Variants in MKRN2 observed in about 807,000 individuals in gnomAD.
The protein encoded by MKRN2 is makorin ring finger protein 2.
In MKRN2, 32 loss-of-function variants were observed where a neutral mutation model predicts 45.4. That is an observed-to-expected ratio of 0.70 (90% CI 0.53 to 0.95). MKRN2 has a LOEUF of 0.95. Ranked by LOEUF, MKRN2 falls within the 40% of genes least tolerant of loss-of-function variation. The pLI is 0.00. For synonymous variants in MKRN2, 206 were observed against 192.4 expected (o/e 1.07, Z -0.59); for missense variants, 526 against 536.7 (o/e 0.98, Z 0.20).
Position 12,567,958 on chromosome 3 carries a change from C to G in MKRN2, c.27-917C>G, listed in dbSNP as rs114377941. Among the ~76,000 whole-genome samples, 1,236 of 152,304 alleles carry G rather than the reference C, an allele frequency of 8.1e-3. 14 individuals carry two copies. Among genetic ancestry groups the G allele is most frequent in the Non-Finnish European group, 0.011 (749 of 68,036 alleles). ...CTCAGTGGAATATTCTGATACAGAACATGTGATACATCTGATATTCTGAAA... is the reference window on the plus strand; with the variant it reads ...CTCAGTGGAATATTCTGATACAGAAGATGTGATACATCTGATATTCTGAAA... On this transcript the variant is annotated intron_variant, in intron 1 of 7. Transcript: ENST00000170447.
chr3:12,568,972 A>G lies in MKRN2; in HGVS notation c.124A>G (p.Lys42Glu). 1 of 1,614,150 alleles carries G rather than the reference A, an allele frequency of 6.2e-7. No individual in the cohort carries two copies. Among genetic ancestry groups the G allele is most frequent in the Non-Finnish European group, 8.5e-7 (1 of 1,180,024 alleles). The change falls in exon 2 of 8, where the codon AAG (lysine) becomes GAG (glutamate). Residue 42 changes from lysine (K) to glutamate (E), a missense_variant. Physicochemically the swap from Lys to Glu is moderately conservative, Grantham distance 56. Coordinates refer to ENST00000170447, the MANE Select transcript of MKRN2 (RefSeq NM_014160.5). Reference protein sequence around the residue: ...KPSTICKYYQKGYCAYGTRCR... With the variant: ...KPSTICKYYQEGYCAYGTRCR... Reference sequence around the variant, plus strand: ...GTCCACCATCTGCAAGTACTACCAGAAGGGCTACTGTGCCTATGGAACTCG... The same window carrying G: ...GTCCACCATCTGCAAGTACTACCAGGAGGGCTACTGTGCCTATGGAACTCG...
chr3:12,558,078 A>C (rs186346406), intron 1 of MKRN2, among the ~76,000 whole-genome samples: 1 of 152,206 alleles, frequency 6.6e-6, no homozygotes, highest in African/African-American at 2.4e-5. Flanking sequence ...TCATTTAATA[A>C]TTTTTATGGG....
At position 12,557,100 on chromosome 3, in the gene MKRN2, C is replaced by G; in HGVS notation, c.-51C>G. ...CGGGCCAGGGCCAAGGCCGAGGCGG[C>G]AGCGGCTGCGAGAGGCGGCGGCACG... On this transcript the variant is annotated 5_prime_UTR_variant, in exon 1 of 8. Transcript: ENST00000170447. 1 of 1,481,824 alleles carries G rather than the reference C, an allele frequency of 6.7e-7. No individual in the cohort carries two copies. The highest frequency in any genetic ancestry group is 8.9e-7 in the Non-Finnish European group (1 of 1,118,108). The allele number at this position is 1,481,824 out of a possible 1,614,324, so 91.8% of individuals were successfully genotyped here.
intron 1 of MKRN2, among the ~76,000 whole-genome samples, chr3:12,564,325 C>T (rs185809423): frequency 6.6e-6 from 1 of 152,278 alleles, no homozygotes; most frequent in East Asian, 1.9e-4. Flanking sequence ...TAAGGAACTT[C>T]CGTACTGTTT....
rs1210731485 is a variant in MKRN2, at chr3:12,582,717, G to T, written c.*464G>T. On this transcript the variant is annotated 3_prime_UTR_variant, in exon 8 of 8. Transcript: ENST00000170447. ...GTATTTAGTGTGTCGTCAAAATTTT[G>T]ATTTATACAGAGCTTTCAAGAACAC... 4.4e-5 allele frequency: 7 copies of T among 157,822 alleles called. No individual in the cohort carries two copies. The highest frequency in any genetic ancestry group is 8.4e-5 in the Non-Finnish European group (6 of 71,048). The allele number at this position is 157,822 out of a possible 1,614,324, so 9.8% of individuals were successfully genotyped here.
chr3:12,572,477 T>A, intron 4 of MKRN2, 104 bp downstream of exon 4: 1 of 1,072,128 alleles, frequency 9.3e-7, no homozygotes, highest in Non-Finnish European at 1.3e-6. Context: ...TGAAATGTAC[T>A]AAGTGACAGA....
At chr3:12,566,845 C>T (rs981425175) in intron 1 of MKRN2, among the ~76,000 whole-genome samples, 2 of 152,184 alleles carry the variant, frequency 1.3e-5, no homozygotes, top group Admixed American at 6.5e-5. Context: ...TCTGGTCATC[C>T]ACCCACCTCA....
intron 1 of MKRN2, 37 bp from the exon 2 acceptor site, chr3:12,568,838 G>A: frequency 6.3e-7 from 1 of 1,595,162 alleles, no homozygotes; most frequent in Non-Finnish European, 8.5e-7. Context: ...AGCAAAATGT[G>A]CTTCTAAAAG....
rs1044706579 is a variant in MKRN2, at chr3:12,582,461, T to C, written c.*208T>C. On this transcript the variant is annotated 3_prime_UTR_variant, in exon 8 of 8. Coordinates refer to ENST00000170447, the MANE Select transcript of MKRN2 (RefSeq NM_014160.5). ...AAGTAACCTAATTAAATGTATGGAA[T>C]TGCTATTTTTATAGCTGATATAGTT... 1.7e-6 allele frequency: 1 copy of C among 596,112 alleles called. No individual in the cohort carries two copies. The highest frequency in any genetic ancestry group is 2.8e-6 in the Non-Finnish European group (1 of 354,678). The allele number at this position is 596,112 out of a possible 1,614,324, so 36.9% of individuals were successfully genotyped here. A position where few individuals can be genotyped will look rare whatever the true frequency, so the allele number is the denominator to read the frequency against.
Position 12,563,361 on chromosome 3 carries a change from T to C in MKRN2, c.27-5514T>C, listed in dbSNP as rs2058050760. Among the ~76,000 whole-genome samples the C allele has an allele frequency of 2.0e-5, 3 of 151,992 alleles. No individual in the cohort carries two copies. The South Asian group carries it at 6.2e-4, about 32-fold the overall frequency. ...GAGAAACAGGTGGAGAAGTCAGAGGTTTCTGATTGGGGCGGATGTGCAGCA... is the reference window on the plus strand; with the variant it reads ...GAGAAACAGGTGGAGAAGTCAGAGGCTTCTGATTGGGGCGGATGTGCAGCA... On this transcript the variant is annotated intron_variant, in intron 1 of 7. Coordinates refer to ENST00000170447, the MANE Select transcript of MKRN2 (RefSeq NM_014160.5).
At position 12,576,937 on chromosome 3, in the gene MKRN2, T is replaced by TTGTTTTTTTTTTTG. The variant is rs1553608771; in HGVS notation, c.968+197_968+198insGTTTTTTTTTTTGT. The TTGTTTTTTTTTTTG allele has an allele frequency of 7.0e-5, 15 of 215,456 alleles. 1 individual carries two copies. Among genetic ancestry groups the TTGTTTTTTTTTTTG allele is most frequent in the African/African-American group, 4.8e-4 (14 of 29,044 alleles). 13.3% of individuals were successfully genotyped at this position (215,456 alleles called of 1,614,324 possible). On this transcript the variant is annotated intron_variant, in intron 6 of 7. Transcript: ENST00000170447. ...GTGGACCTGTTTAGTTTTGGTGTTTTTTTTTTTTTTTTTTTTTTTTCGGTG... is the reference window on the plus strand; with the variant it reads ...GTGGACCTGTTTAGTTTTGGTGTTTTTGTTTTTTTTTTTGTTTTTTTTTTTTTTTTTTTTCGGTG...
chr3:12,572,376 A>G lies in MKRN2; in HGVS notation c.642+3A>G. 1 of 1,551,300 alleles carries G rather than the reference A, an allele frequency of 6.4e-7. No individual in the cohort carries two copies. The highest frequency in any genetic ancestry group is 1.2e-5 in the South Asian group (1 of 82,094). ...AGCAGAGGAAGGCTCATGAAAAGGT[A>G]AAGTCACAAACCTTTGCATGAACTC... On this transcript the variant is annotated splice_donor_region_variant and intron_variant, in intron 4 of 7. Coordinates refer to ENST00000170447, the MANE Select transcript of MKRN2 (RefSeq NM_014160.5).
At chr3:12,576,018 T>C (rs1008161162) in intron 5 of MKRN2, among the ~76,000 whole-genome samples, 1 of 152,228 alleles carries the variant, frequency 6.6e-6, no homozygotes, top group Admixed American at 6.5e-5. Flanking sequence ...TTTTCATTTC[T>C]CTTGGGTATA....
intron 2 of MKRN2, 74 bp from the exon 3 acceptor site, chr3:12,569,997 A>G (rs1197064332): frequency 1.7e-5 from 24 of 1,401,528 alleles, no homozygotes; most frequent in South Asian, 4.5e-5. Flanking sequence ...AAGGAGGGCC[A>G]TTGGCATCTG....
chr3:12,559,109 A>G (rs13077760), intron 1 of MKRN2, among the ~76,000 whole-genome samples: 10,207 of 152,266 alleles, frequency 0.067, 469 homozygotes, highest in Admixed American at 0.16. Flanking sequence ...AACTCATACA[A>G]GGATATGTAA....
At chr3:12,559,105 T>C (rs2058012166) in intron 1 of MKRN2, among the ~76,000 whole-genome samples, 1 of 152,192 alleles carries the variant, frequency 6.6e-6, no homozygotes, top group African/African-American at 2.4e-5. Flanking sequence ...AGGAAACTCA[T>C]ACAAGGATAT....
At chr3:12,570,394 T>A in intron 3 of MKRN2, 142 bp downstream of exon 3, 9 of 784,382 alleles carry the variant, frequency 1.1e-5, no homozygotes, top group African/African-American at 1.7e-5. Context: ...ACTTCAGAAC[T>A]GTTCTGAAGA....
chr3:12,561,688 C>T (rs2058037301), intron 1 of MKRN2, among the ~76,000 whole-genome samples: 1 of 152,042 alleles, frequency 6.6e-6, no homozygotes, highest in South Asian at 2.1e-4. Context: ...CTTATGTTGC[C>T]ACTTTGAACC....
Position 12,579,697 on chromosome 3 carries a change from G to A in MKRN2, c.969-2111G>A, listed in dbSNP as rs548757305. On this transcript the variant is annotated intron_variant, in intron 6 of 7. Coordinates refer to ENST00000170447, the MANE Select transcript of MKRN2 (RefSeq NM_014160.5). ...GAAGGGTGTAGGTTTTGTGTCTGGG[G>A]GACACTGGGAGTGGCTCCTGGCATT... 2.0e-5 allele frequency among the ~76,000 whole-genome samples: 3 copies of A among 152,258 alleles called. No homozygotes were observed. In the South Asian group the frequency reaches 6.2e-4, roughly 32 times the overall value.
Sources: allele counts gnomAD v4.1 joint callset (sites outside exome capture counted in the v4.1 genomes callset), GRCh38; gene constraint gnomAD v4.1.1; transcripts MANE v1.5; gene names NCBI Gene and HGNC (gene_info 2026-07-23, HGNC 2026-07-21).